TBC1D22A: variants seen among roughly 807,000 people sequenced by gnomAD.
TBC1D22A encodes the protein TBC1 domain family member 22A, also known as putative GTPase activator.
In TBC1D22A, 38 loss-of-function variants were observed where a neutral mutation model predicts 60.2. That is an observed-to-expected ratio of 0.63 (90% confidence interval 0.49 to 0.83). The LOEUF (loss-of-function observed/expected upper bound fraction) is 0.83, where lower values mean the gene tolerates loss of function less well. Ranked by LOEUF, TBC1D22A falls within the 40% of genes least tolerant of loss-of-function variation. The pLI is 0.00. For missense variants in TBC1D22A, 628 were observed against 701.0 expected (o/e 0.90, Z 1.18); for synonymous variants, 302 against 281.7 (o/e 1.07, Z -0.72).
chr22:46,975,539 C>T (rs2074261745), intron 9 of TBC1D22A, among the ~76,000 whole-genome samples: 1 of 152,132 alleles, frequency 6.6e-6, no homozygotes, highest in South Asian at 2.1e-4. Context: ...TGCCAGCATC[C>T]CTGTTATCCC....
At chr22:46,917,949 T>C (rs2070489484) in intron 8 of TBC1D22A, among the ~76,000 whole-genome samples, 1 of 152,138 alleles carries the variant, frequency 6.6e-6, no homozygotes, top group Non-Finnish European at 1.5e-5. Context: ...CTGTGAAGGA[T>C]GCAATGCAGC....
intron 10 of TBC1D22A, among the ~76,000 whole-genome samples, chr22:47,023,867 T>C (rs1251597367): frequency 3.9e-5 from 6 of 152,258 alleles, no homozygotes. Context: ...GGAAGGAATA[T>C]GGTCCTAGAT....
At chr22:46,853,150 G>T (rs533751634) in intron 4 of TBC1D22A, among the ~76,000 whole-genome samples, 1 of 152,154 alleles carries the variant, frequency 6.6e-6, no homozygotes, top group African/African-American at 2.4e-5. Context: ...CTGAGCATCC[G>T]TGTGTGTTTC....
At chr22:46,875,408 A>G (rs1162424355) in intron 4 of TBC1D22A, among the ~76,000 whole-genome samples, 2 of 152,150 alleles carry the variant, frequency 1.3e-5, no homozygotes, top group Non-Finnish European at 2.9e-5. Context: ...CGACTAGAAA[A>G]GGGCAATAGA....
At chr22:46,829,124 CG>C (rs1345074908) in intron 4 of TBC1D22A, among the ~76,000 whole-genome samples, 6 of 152,154 alleles carry the variant, frequency 3.9e-5, no homozygotes, top group African/African-American at 1.4e-4. Flanking sequence ...CTCCAAGTGT[CG>C]GATCAAATAG....
intron 8 of TBC1D22A, among the ~76,000 whole-genome samples, chr22:46,947,457 A>G (rs2072619290): frequency 6.6e-6 from 1 of 152,202 alleles, no homozygotes; most frequent in Non-Finnish European, 1.5e-5. Flanking sequence ...CTCCACCGTC[A>G]TCTAACAGGT....
intron 4 of TBC1D22A, among the ~76,000 whole-genome samples, chr22:46,804,407 G>A (rs1300836693): frequency 1.3e-5 from 2 of 152,358 alleles, no homozygotes; most frequent in Admixed American, 6.5e-5. Context: ...CTAGAGTTGT[G>A]CTTGCTTTTT....
chr22:47,134,430 A>G lies in TBC1D22A; in HGVS notation c.1425+22827A>G, dbSNP rs561239970. Among the ~76,000 whole-genome samples the G allele has an allele frequency of 4.2e-3, 633 of 152,300 alleles. 3 individuals are homozygous for G. Among genetic ancestry groups the G allele is most frequent in the Middle Eastern group, 0.01 (3 of 294 alleles). ...GGAAGGCGGGTTCTGCTGGAGCAGC[A>G]CTGGTTGGTAGCCCACCGCCCCTCG... On this transcript the variant is annotated intron_variant, in intron 12 of 12. Transcript: ENST00000337137.
chr22:46,844,138 G>T (rs186405448), intron 4 of TBC1D22A, among the ~76,000 whole-genome samples: 27 of 150,636 alleles, frequency 1.8e-4, no homozygotes, highest in African/African-American at 6.1e-4. Flanking sequence ...GATGCTGGGC[G>T]TGGGCACTCT....
At chr22:46,914,632 A>G (rs1379167938) in intron 8 of TBC1D22A, 2 of 152,356 alleles carry the variant, frequency 1.3e-5, no homozygotes, top group African/African-American at 4.8e-5. Flanking sequence ...AAGTTGAGTC[A>G]TTCACGCGGC....
intron 1 of TBC1D22A, among the ~76,000 whole-genome samples, chr22:46,790,193 T>C (rs1421442526): frequency 1.3e-5 from 2 of 152,222 alleles, no homozygotes; most frequent in Non-Finnish European, 2.9e-5. Context: ...TTTTCCCTGC[T>C]CTCTCCAGCT....
chr22:46,858,565 C>A (rs1439493692), intron 4 of TBC1D22A, among the ~76,000 whole-genome samples: 1 of 152,208 alleles, frequency 6.6e-6, no homozygotes, highest in Non-Finnish European at 1.5e-5. Flanking sequence ...GCATGCCATC[C>A]GTGTTCCTGC....
chr22:47,007,456 G>T (rs971017764), intron 10 of TBC1D22A, among the ~76,000 whole-genome samples: 1 of 152,210 alleles, frequency 6.6e-6, no homozygotes, highest in Non-Finnish European at 1.5e-5. Context: ...CCTTGGGAAG[G>T]CTTTCCTGCC....
At chr22:47,113,218 A>G (rs2065912841) in intron 12 of TBC1D22A, among the ~76,000 whole-genome samples, 1 of 152,178 alleles carries the variant, frequency 6.6e-6, no homozygotes, top group Admixed American at 6.5e-5. Context: ...ACACAACTGT[A>G]TGCTGCCTCC....
intron 11 of TBC1D22A, among the ~76,000 whole-genome samples, chr22:47,098,633 C>T (rs960300797): frequency 6.6e-6 from 1 of 152,180 alleles, no homozygotes; most frequent in African/African-American, 2.4e-5. Flanking sequence ...CACCAGGCTG[C>T]CCTGGGGAAG....
intron 4 of TBC1D22A, among the ~76,000 whole-genome samples, chr22:46,808,687 T>G (rs1203026158): frequency 6.6e-6 from 1 of 152,104 alleles, no homozygotes; most frequent in Admixed American, 6.5e-5. Flanking sequence ...CTCCGCCTCC[T>G]GAGTTCACGC....
chr22:46,818,117 A>C (rs1193038117), intron 4 of TBC1D22A, among the ~76,000 whole-genome samples: 1 of 151,680 alleles, frequency 6.6e-6, no homozygotes, highest in Non-Finnish European at 1.5e-5. Flanking sequence ...TTTACTTGTA[A>C]ATTTAAGTTC....
intron 5 of TBC1D22A, among the ~76,000 whole-genome samples, chr22:46,889,583 C>T (rs558012127): frequency 4.1e-4 from 63 of 152,280 alleles, no homozygotes; most frequent in Non-Finnish European, 6.6e-4. Context: ...AACCCCAAAC[C>T]GGAAACAACC....
chr22:46,813,802 G>A (rs560518009), intron 4 of TBC1D22A, among the ~76,000 whole-genome samples: 29 of 152,358 alleles, frequency 1.9e-4, no homozygotes, highest in Admixed American at 2.6e-4. Context: ...GCTGGGCCCC[G>A]GAGGCTGAGC....
Sources: allele counts gnomAD v4.1 joint callset (sites outside exome capture counted in the v4.1 genomes callset), GRCh38; gene constraint gnomAD v4.1.1; transcripts MANE v1.5; gene names NCBI Gene and HGNC (gene_info 2026-07-23, HGNC 2026-07-21).